NSUN4: variants seen among roughly 807,000 people sequenced by gnomAD.
NSUN4 encodes the protein 5-cytosine rRNA methyltransferase NSUN4.
A neutral mutation model predicts 43.8 loss-of-function variants in NSUN4; 31 were observed. The observed-to-expected ratio is 0.71, with a 90% CI of 0.53 to 0.96. The LOEUF (loss-of-function observed/expected upper bound fraction) is 0.96, where lower values mean the gene tolerates loss of function less well. Among genes scored for constraint, NSUN4 ranks in the 40% least tolerant of loss-of-function variants. NSUN4 has a pLI of 0.00. For missense variants in NSUN4, 439 were observed against 475.6 expected (o/e 0.92, Z 0.72); for synonymous variants, 167 against 184.1 (o/e 0.91, Z 0.75).
At position 46,356,139 on chromosome 1, in the gene NSUN4, A is replaced by G. The variant is rs979031694; in HGVS notation, c.753+3111A>G. 9.9e-5 allele frequency among the ~76,000 whole-genome samples: 15 copies of G among 152,202 alleles called. No homozygotes were observed. The South Asian group carries it at 1.7e-3, about 17-fold the overall frequency. The stretch of plus-strand genomic sequence containing the variant: ...CAGGCTGGAATGCAGTGGCGCAATC[A>G]TGGCTCACTGCAGTCTTGACTTTCT... On this transcript the variant is annotated intron_variant, in intron 4 of 5. Transcript: ENST00000474844.
intron 4 of NSUN4, among the ~76,000 whole-genome samples, chr1:46,358,501 A>G (rs1663562472): frequency 7.0e-6 from 1 of 142,176 alleles, no homozygotes; most frequent in Non-Finnish European, 1.5e-5. Context: ...TCCTGGATTT[A>G]AGCGATTCTT....
At chr1:46,368,799 T>C (rs2148430868), downstream of NSUN4, among the ~76,000 whole-genome samples, 1 of 152,326 alleles carries the variant, frequency 6.6e-6, no homozygotes, top group African/African-American at 2.4e-5. Flanking sequence ...ATGCCTGTAA[T>C]CCCGGCACTT....
intron 4 of NSUN4, 117 bp from the exon 5 acceptor site, chr1:46,360,587 A>AG: frequency 2.0e-6 from 2 of 980,726 alleles, no homozygotes; most frequent in Non-Finnish European, 3.0e-6. Flanking sequence ...TCTGCAAAGG[A>AG]GGGATGGGCA....
At chr1:46,359,678 G>A (rs1569767647) in intron 4 of NSUN4, among the ~76,000 whole-genome samples, 1 of 151,616 alleles carries the variant, frequency 6.6e-6, no homozygotes, top group East Asian at 2.0e-4. Flanking sequence ...AGCCTCCCGA[G>A]TAGCTGGGAT....
intron 3 of NSUN4, among the ~76,000 whole-genome samples, chr1:46,349,553 C>G (rs1189681776): frequency 2.0e-5 from 3 of 152,232 alleles, no homozygotes; most frequent in Non-Finnish European, 4.4e-5. Flanking sequence ...ACACACCTAA[C>G]CTGGAGCTCA....
At chr1:46,342,380 T>C in intron 1 of NSUN4, 1 of 399,114 alleles carries the variant, frequency 2.5e-6, no homozygotes. Flanking sequence ...CCAGCTCACC[T>C]CAGGAGGGCT....
the NSUN4 span, among the ~76,000 whole-genome samples, chr1:46,380,820 G>C: frequency 6.6e-6 from 1 of 152,054 alleles, no homozygotes; most frequent in African/African-American, 2.4e-5. Context: ...CTCTCTGTGG[G>C]CCTCTATTTT....
Position 46,344,860 on chromosome 1 carries a change from T to C in NSUN4, c.153T>C (p.Thr51=). 1 of 1,614,232 alleles carries C rather than the reference T, an allele frequency of 6.2e-7. No homozygotes were observed. ...TGGCTTTGCAGAATTTTGACATGAC[T>C]TACAGTGTGCAGTTTGGAGATCTTT... ...VRLALQNFDM[T]YSVQFGDLWP... The change falls in exon 2 of 6, where the codon ACT becomes ACC. Residue 51 remains threonine, a synonymous_variant. Coordinates refer to ENST00000474844, the MANE Select transcript of NSUN4 (RefSeq NM_199044.4).
At chr1:46,370,357 C>T in the NSUN4 span, among the ~76,000 whole-genome samples, 3 of 152,170 alleles carry the variant, frequency 2.0e-5, no homozygotes, top group African/African-American at 4.8e-5. Context: ...TTATCGCTCA[C>T]AACCATGAAT....
At chr1:46,360,921 A>G (rs752772998) in intron 5 of NSUN4, 93 bp downstream of exon 5, 12 of 1,376,640 alleles carry the variant, frequency 8.7e-6, no homozygotes, top group Non-Finnish European at 1.1e-5. Context: ...TAACCCACAC[A>G]AGAATCTTAT....
chr1:46,346,924 T>C lies in NSUN4; in HGVS notation c.441T>C (p.Pro147=). The stretch of plus-strand genomic sequence containing the variant: ...AAAGTGGTCTCCTCTTTTCCAGACC[T>C]GGCAGCCTGGGTGTCATGGAGTACT... ...GDISRFPPAR[P]GSLGVMEYYL... The change falls in exon 3 of 6, where the codon CCT becomes CCC. Residue 147 remains proline (P), a synonymous_variant. Coordinates refer to ENST00000474844, the MANE Select transcript of NSUN4 (RefSeq NM_199044.4). The C allele has an allele frequency of 3.1e-6, 5 of 1,612,938 alleles. No homozygotes were observed. Among genetic ancestry groups the C allele is most frequent in the Non-Finnish European group, 3.4e-6 (4 of 1,179,516 alleles).
chr1:46,351,364 A>G (rs1331837172), intron 3 of NSUN4, among the ~76,000 whole-genome samples: 1 of 152,160 alleles, frequency 6.6e-6, no homozygotes, highest in Non-Finnish European at 1.5e-5. Flanking sequence ...AACTAAAGAA[A>G]GGTTGAGAAA....
In NSUN4 at chr1:46,345,806, A is replaced by G. The variant is rs185377013; in HGVS notation, c.437+662A>G. 2.0e-3 allele frequency among the ~76,000 whole-genome samples: 312 copies of G among 152,354 alleles called. 1 individual carries two copies. Among genetic ancestry groups the G allele is most frequent in the African/African-American group, 4.9e-3 (205 of 41,592 alleles). On this transcript the variant is annotated intron_variant, in intron 2 of 5. Transcript: ENST00000474844. ...TGCTTTAACAATTAAGGAGAGCTCA[A>G]TGTTAGTTGTAGGGTATGGGAATTG...
the NSUN4 span, among the ~76,000 whole-genome samples, chr1:46,371,222 G>T: frequency 4.6e-5 from 7 of 150,964 alleles, no homozygotes; most frequent in African/African-American, 1.7e-4. Context: ...CTGACTCCCA[G>T]GTTCAAGCAA....
intron 3 of NSUN4, among the ~76,000 whole-genome samples, chr1:46,347,940 C>T (rs1051572769): frequency 3.3e-5 from 5 of 151,026 alleles, no homozygotes; most frequent in Non-Finnish European, 7.4e-5. Context: ...TGCAGTGGCA[C>T]GACCTCGGCT....
At chr1:46,383,481 A>G in the NSUN4 span, among the ~76,000 whole-genome samples, 1 of 108,730 alleles carries the variant, frequency 9.2e-6, no homozygotes, top group East Asian at 2.7e-4. Context: ...TCCGAGATGG[A>G]GTCTCGCTCT....
downstream of NSUN4, among the ~76,000 whole-genome samples, chr1:46,369,566 C>T (rs1262575459): frequency 6.6e-6 from 1 of 152,098 alleles, no homozygotes; most frequent in South Asian, 2.1e-4. Context: ...GACCTAACCT[C>T]GCCTGGAGGA....
chr1:46,381,719 A>G, the NSUN4 span, among the ~76,000 whole-genome samples: 2 of 152,214 alleles, frequency 1.3e-5, no homozygotes, highest in South Asian at 4.1e-4. Context: ...AAAAGGAAGA[A>G]TTGAGTTACC....
rs189515964 is a variant in NSUN4, at chr1:46,361,724, C to T, written c.1033C>T (p.Arg345Ter). ...QVQVEDLTHF[R>*]RVFMDTFCFF... ...ACAGGTGGAAGATCTGACTCACTTCCGAAGGGTTTTCATGGACACATTTTG... is the reference window on the plus strand; with the variant it reads ...ACAGGTGGAAGATCTGACTCACTTCTGAAGGGTTTTCATGGACACATTTTG... The change falls in exon 6 of 6, where the codon CGA (arginine) becomes TGA (stop). Residue 345 changes from arginine to a stop codon, truncating the protein, a stop_gained. Coordinates refer to ENST00000474844, the MANE Select transcript of NSUN4 (RefSeq NM_199044.4). LOFTEE classifies it high-confidence loss of function. The T allele has an allele frequency of 2.1e-5, 34 of 1,614,222 alleles. No homozygotes were observed. Among genetic ancestry groups the T allele is most frequent in the East Asian group, 6.7e-5 (3 of 44,876 alleles).
Sources: gnomAD v4.1 joint callset for allele counts (sites outside exome capture counted in the v4.1 genomes callset) on GRCh38, gnomAD v4.1.1 for gene constraint, MANE v1.5 for transcripts, NCBI Gene and HGNC (gene_info 2026-07-23, HGNC 2026-07-21) for gene names.